The following SAMD12 variants were observed in gnomAD, a reference collection of about 807,000 sequenced individuals.
SAMD12 encodes sterile alpha motif domain-containing protein 12.
Under a neutral mutation model 15.0 loss-of-function variants are expected in SAMD12, and 9 were observed. That is an observed-to-expected ratio of 0.60 (90% CI 0.36 to 1.05). The LOEUF (loss-of-function observed/expected upper bound fraction) is 1.05. Among genes scored for constraint, SAMD12 ranks in the 50% least tolerant of loss-of-function variants. The probability of loss-of-function intolerance (pLI) is 0.01; values close to 1 mark genes in which losing one functional copy is unlikely to be tolerated. For missense variants in SAMD12, 230 were observed against 234.2 expected, an observed-to-expected ratio of 0.98 and a Z score of 0.12; for synonymous variants, 86 against 90.1, an observed-to-expected ratio of 0.96 and a Z score of 0.25.
chr8:118,318,355 T>TATATATACAC (rs1554630371), intron 4 of SAMD12, among the ~76,000 whole-genome samples: 2 of 110,830 alleles, frequency 1.8e-5, no homozygotes, highest in African/African-American at 6.3e-5. Flanking sequence ...TATATATATA[T>TATATATACAC]ACATATATAC....
At chr8:118,561,720 G>A (rs1051338522) in intron 2 of SAMD12, among the ~76,000 whole-genome samples, 1 of 152,040 alleles carries the variant, frequency 6.6e-6, no homozygotes, top group Non-Finnish European at 1.5e-5. Context: ...TATGACACAT[G>A]GGAATTATAG....
chr8:118,564,507 G>T (rs940030550), intron 2 of SAMD12, among the ~76,000 whole-genome samples: 11 of 152,192 alleles, frequency 7.2e-5, no homozygotes. Context: ...TTTAATTTTA[G>T]TTCAGTAGTT....
intron 2 of SAMD12, among the ~76,000 whole-genome samples, chr8:118,504,288 A>AAACAACAC (rs1318903720): frequency 6.6e-6 from 1 of 152,226 alleles, no homozygotes; most frequent in Non-Finnish European, 1.5e-5. Context: ...GCCCGGAGAA[A>AAACAACAC]AACAACACAG....
In SAMD12 at chr8:118,306,539, G is replaced by A. The variant is rs189482730; in HGVS notation, c.433+73021C>T. On this transcript the variant is annotated intron_variant, in intron 4 of 4. Transcript: ENST00000409003. Reference sequence around the variant, plus strand: ...CCACTGGAGTTCCATCCTGGAACATGAGAACAAGGACTTCATTCTAAGGAG... The same window carrying A: ...CCACTGGAGTTCCATCCTGGAACATAAGAACAAGGACTTCATTCTAAGGAG... Among the ~76,000 whole-genome samples the A allele has an allele frequency of 6.2e-4, 94 of 152,274 alleles. 1 individual carries two copies. The South Asian group carries it at 8.9e-3, about 14-fold the overall frequency.
At chr8:118,334,609 T>C (rs530307903) in intron 4 of SAMD12, among the ~76,000 whole-genome samples, 18 of 152,326 alleles carry the variant, frequency 1.2e-4, no homozygotes, top group Middle Eastern at 3.4e-3. Context: ...TTCTCTTTTG[T>C]TTTTGAGACA....
At chr8:118,346,870 C>G (rs1817688208) in intron 4 of SAMD12, among the ~76,000 whole-genome samples, 1 of 152,156 alleles carries the variant, frequency 6.6e-6, no homozygotes, top group Non-Finnish European at 1.5e-5. Flanking sequence ...TGTGAAATGT[C>G]TATGAGGCAA....
At chr8:118,465,391 G>C (rs899973053) in intron 2 of SAMD12, among the ~76,000 whole-genome samples, 1 of 152,100 alleles carries the variant, frequency 6.6e-6, no homozygotes, top group African/African-American at 2.4e-5. Flanking sequence ...TTTTATAGGG[G>C]CTAAAAGAAG....
intron 2 of SAMD12, among the ~76,000 whole-genome samples, chr8:118,488,059 TCA>T (rs1446479604): frequency 6.6e-6 from 1 of 152,104 alleles, no homozygotes; most frequent in Non-Finnish European, 1.5e-5. Flanking sequence ...GTCTCTGGAT[TCA>T]CAGACATCCA....
chr8:118,615,320 T>C (rs1828213946), intron 1 of SAMD12, among the ~76,000 whole-genome samples: 1 of 152,200 alleles, frequency 6.6e-6, no homozygotes, highest in Non-Finnish European at 1.5e-5. Context: ...TCCCACGTCA[T>C]GGTGCTTGCA....
chr8:118,523,955 C>T (rs762680977), intron 2 of SAMD12, among the ~76,000 whole-genome samples: 1 of 152,122 alleles, frequency 6.6e-6, no homozygotes, highest in African/African-American at 2.4e-5. Flanking sequence ...AACTGTCCAG[C>T]AACATGTTCA....
chr8:118,325,620 C>T (rs970595956), intron 4 of SAMD12, among the ~76,000 whole-genome samples: 1 of 152,090 alleles, frequency 6.6e-6, no homozygotes, highest in Non-Finnish European at 1.5e-5. Context: ...ATTTCAAGTA[C>T]GCCATGCAGT....
At chr8:118,497,790 A>T (rs944754687) in intron 2 of SAMD12, among the ~76,000 whole-genome samples, 15 of 151,430 alleles carry the variant, frequency 9.9e-5, no homozygotes, top group Non-Finnish European at 1.0e-4. Context: ...TACTTTTTTT[A>T]AAAAAGATGC....
At chr8:118,400,055 G>A (rs1053391121) in intron 3 of SAMD12, among the ~76,000 whole-genome samples, 1 of 152,132 alleles carries the variant, frequency 6.6e-6, no homozygotes, top group Non-Finnish European at 1.5e-5. Flanking sequence ...AAAACACTAT[G>A]AGCACTATAT....
intron 4 of SAMD12, among the ~76,000 whole-genome samples, chr8:118,332,254 T>C (rs1418476710): frequency 6.6e-6 from 1 of 152,248 alleles, no homozygotes; most frequent in East Asian, 1.9e-4. Context: ...TTAGGTTTTT[T>C]ATTTTTGCAA....
At chr8:118,504,163 G>A (rs1330777871) in intron 2 of SAMD12, among the ~76,000 whole-genome samples, 1 of 152,110 alleles carries the variant, frequency 6.6e-6, no homozygotes, top group African/African-American at 2.4e-5. Context: ...CCACAGTTGA[G>A]TGGGAAGAAA....
At chr8:118,332,431 T>G (rs1286633926) in intron 4 of SAMD12, among the ~76,000 whole-genome samples, 1 of 152,258 alleles carries the variant, frequency 6.6e-6, no homozygotes. Context: ...GCATTGGCAG[T>G]GATTATTCAA....
chr8:118,396,418 A>G (rs1348054725), intron 3 of SAMD12, among the ~76,000 whole-genome samples: 1 of 152,188 alleles, frequency 6.6e-6, no homozygotes, highest in Non-Finnish European at 1.5e-5. Flanking sequence ...CGATTATAAT[A>G]TAATCATGAA....
chr8:118,414,609 G>A (rs1360410173), intron 3 of SAMD12, among the ~76,000 whole-genome samples: 1 of 152,152 alleles, frequency 6.6e-6, no homozygotes, highest in Non-Finnish European at 1.5e-5. Context: ...TAATAGACTT[G>A]TGATGAAGGG....
intron 3 of SAMD12, among the ~76,000 whole-genome samples, chr8:118,425,283 G>A (rs1337227007): frequency 6.6e-6 from 1 of 152,176 alleles, no homozygotes; most frequent in Admixed American, 6.5e-5. Flanking sequence ...AAACCAAGGG[G>A]AAAGGGCATC....
Sources: gnomAD v4.1 joint callset for allele counts (sites outside exome capture counted in the v4.1 genomes callset) on GRCh38, gnomAD v4.1.1 for gene constraint, MANE v1.5 for transcripts, NCBI Gene and HGNC (gene_info 2026-07-23, HGNC 2026-07-21) for gene names.